The following NFKBIE variants were observed in gnomAD, a reference collection of about 807,000 sequenced individuals.
NFKBIE encodes NFKB inhibitor epsilon.
In NFKBIE, 11 loss-of-function variants were observed where a neutral mutation model predicts 31.6. The observed-to-expected ratio is 0.35, with a 90% CI of 0.22 to 0.58. NFKBIE has a LOEUF of 0.58. NFKBIE is among the 20% of genes least tolerant of loss of function. NFKBIE has a pLI of 0.83. For synonymous variants in NFKBIE, 208 were observed against 210.1 expected, an observed-to-expected ratio of 0.99 and a Z score of 0.09; for missense variants, 354 against 465.7, an observed-to-expected ratio of 0.76 and a Z score of 2.21.
Position 44,259,103 on chromosome 6 carries a change from A to C in NFKBIE, c.*116T>G. On this transcript the variant is annotated 3_prime_UTR_variant, in exon 6 of 6. Coordinates refer to ENST00000619360, the MANE Select transcript of NFKBIE (RefSeq NM_004556.3). ...TACTGGCTGGCCCCAGGCTCTGGCC[A>C]CAGCAGTCCCTAGGGCACCAGAAGA... 9.3e-7 allele frequency: 1 copy of C among 1,080,830 alleles called. No homozygotes were observed. 67.0% of individuals were successfully genotyped at this position (1,080,830 alleles called of 1,614,324 possible). A position where few individuals can be genotyped will look rare whatever the true frequency, so the allele number is the denominator to read the frequency against.
rs1356625504 is a variant in NFKBIE, at chr6:44,262,627, G to T, written c.401C>A (p.Ala134Glu). The change falls in exon 2 of 6, where the codon GCG becomes GAG. Residue 134 changes from alanine (A) to glutamate (E), a missense_variant. By Grantham distance (107) the Ala-to-Glu change is moderately radical. Around this residue, in one of 2 missense-constraint regions of NFKBIE, gnomAD observed 183 missense variants for 310.6 expected, o/e 0.59. Coordinates refer to ENST00000619360, the MANE Select transcript of NFKBIE (RefSeq NM_004556.3). Reference sequence around the variant, plus strand: ...CAAAGCCAGGCAACAGAGCAGCACCGCTGGGGCCTCATGAATCACTGCCAG... The same window carrying T: ...CAAAGCCAGGCAACAGAGCAGCACCTCTGGGGCCTCATGAATCACTGCCAG... ...VHLAVIHEAP[A>E]VLLCCLALLP... The T allele has an allele frequency of 6.2e-7, 1 of 1,614,120 alleles. No homozygotes were observed. Among genetic ancestry groups the T allele is most frequent in the Non-Finnish European group, 8.5e-7 (1 of 1,179,972 alleles).
Position 44,260,775 on chromosome 6 carries a change from G to C in NFKBIE, c.692-236C>G, listed in dbSNP as rs551287761. On this transcript the variant is annotated intron_variant, in intron 3 of 5. Coordinates refer to ENST00000619360, the MANE Select transcript of NFKBIE (RefSeq NM_004556.3). This position sits in a 1 kb window ranked among gnomAD's most constrained non-coding sequence, Gnocchi z 5.5. ...TGAAACTTTCATGCTTCAGGGGTCA[G>C]GCTGCTGAGTGACACCCCCAAAGAA... Among the ~76,000 whole-genome samples the C allele has an allele frequency of 6.6e-6, 1 of 151,088 alleles. No homozygotes were observed. The highest frequency in any genetic ancestry group is 1.9e-4 in the East Asian group (1 of 5,140).
In NFKBIE at chr6:44,262,556, C is replaced by T; in HGVS notation, c.468+4G>A. On this transcript the variant is annotated splice_donor_region_variant and intron_variant, in intron 2 of 5. Transcript: ENST00000619360. ...TCTGGGCATAACATTCTCTCGCCACCAACCTGGTAAAGGTTATTTTGAATG... is the reference window on the plus strand; with the variant it reads ...TCTGGGCATAACATTCTCTCGCCACTAACCTGGTAAAGGTTATTTTGAATG... The T allele has an allele frequency of 1.2e-6, 2 of 1,613,032 alleles. No homozygotes were observed. The highest frequency in any genetic ancestry group is 1.7e-6 in the Non-Finnish European group (2 of 1,179,110).
chr6:44,264,102 C>T lies in NFKBIE; in HGVS notation c.365+880G>A, dbSNP rs546071767. 5.2e-4 allele frequency among the ~76,000 whole-genome samples: 79 copies of T among 152,330 alleles called. 1 individual carries two copies. Among genetic ancestry groups the T allele is most frequent in the Admixed American group, 4.4e-3 (67 of 15,304 alleles). On this transcript the variant is annotated intron_variant, in intron 1 of 5. Transcript: ENST00000619360. ...TTAGGACAGCCACCTCCTGCCTCCC[C>T]TACTCCTATTTATATGAGCACCCTT...
rs374392075 is a variant in NFKBIE, at chr6:44,260,288, G to A, written c.781-6C>T. Reference sequence around the variant, plus strand: ...GTCTTACCACTGGTGCCCTCCTGGGGAGGAATAAGGATGTCAGCCAAGGCC... The same window carrying A: ...GTCTTACCACTGGTGCCCTCCTGGGAAGGAATAAGGATGTCAGCCAAGGCC... On this transcript the variant is annotated splice_polypyrimidine_tract_variant and splice_region_variant and intron_variant, in intron 4 of 5. Coordinates refer to ENST00000619360, the MANE Select transcript of NFKBIE (RefSeq NM_004556.3). This position sits in a 1 kb window ranked among gnomAD's most constrained non-coding sequence, Gnocchi z 5.5. The A allele has an allele frequency of 6.8e-6, 11 of 1,607,036 alleles. No individual in the cohort carries two copies. Among genetic ancestry groups the A allele is most frequent in the Non-Finnish European group, 7.7e-6 (9 of 1,174,314 alleles).
At position 44,259,319 on chromosome 6, in the gene NFKBIE, G is replaced by A. The variant is rs189444478; in HGVS notation, c.1021-35C>T. The stretch of plus-strand genomic sequence containing the variant: ...AGAATGGAGAGAAGCAAGATCAGAG[G>A]ACATGGGAAAAGGTGACTTGGGAAA... On this transcript the variant is annotated intron_variant, in intron 5 of 5. Coordinates refer to ENST00000619360, the MANE Select transcript of NFKBIE (RefSeq NM_004556.3). The A allele has an allele frequency of 4.2e-5, 65 of 1,555,344 alleles. 1 individual carries two copies. In the East Asian group the frequency reaches 1.4e-3, roughly 34 times the overall value.
Position 44,261,035 on chromosome 6 carries a change from C to G in NFKBIE, c.692-496G>C, listed in dbSNP as rs891526561. 5.9e-5 allele frequency among the ~76,000 whole-genome samples: 9 copies of G among 152,134 alleles called. No homozygotes were observed. The highest frequency in any genetic ancestry group is 1.9e-4 in the African/African-American group (8 of 41,428). ...CCTTTCTAGTCTGGACACTCCCGAC[C>G]CTTGCTTAGTAATAGAGATTTCGAT... On this transcript the variant is annotated intron_variant, in intron 3 of 5. Coordinates refer to ENST00000619360, the MANE Select transcript of NFKBIE (RefSeq NM_004556.3). The surrounding 1 kb of genome is among the most constrained non-coding windows in gnomAD (Gnocchi z 4.3).
intron 5 of NFKBIE, among the ~76,000 whole-genome samples, chr6:44,259,819 T>C (rs954370282): frequency 1.3e-5 from 2 of 152,150 alleles, no homozygotes; most frequent in Admixed American, 1.3e-4. Flanking sequence ...GTCTCATATC[T>C]GGCCAACTTC....
intron 2 of NFKBIE, among the ~76,000 whole-genome samples, 198 bp from the exon 3 acceptor site, chr6:44,262,046 A>G (rs1225735784): frequency 6.6e-6 from 1 of 152,122 alleles, no homozygotes; most frequent in Non-Finnish European, 1.5e-5. Context: ...TGGGATCCCA[A>G]TTCTGGAAGC....
At chr6:44,264,948 TAGC>T (rs1782063300) in intron 1 of NFKBIE, 31 bp downstream of exon 1, 1 of 1,544,952 alleles carries the variant, frequency 6.5e-7, no homozygotes, top group Admixed American at 2.0e-5. Flanking sequence ...GGCCCAGAGT[TAGC>T]ATCCCGATTC....
rs1469594261 is a variant in NFKBIE at position 44,260,658 on chromosome 6, T to A, written c.692-119A>T. 2.2e-6 allele frequency: 2 copies of A among 924,484 alleles called. No homozygotes were observed. Among genetic ancestry groups the A allele is most frequent in the African/African-American group, 1.6e-5 (1 of 61,192 alleles). 57.3% of individuals were successfully genotyped at this position (924,484 alleles called of 1,614,324 possible). ...CTCACAGCCCACTCAATGTCTCTAA[T>A]CACAAGACTGTTAAAATGCAAACCC... On this transcript the variant is annotated intron_variant, in intron 3 of 5. Coordinates refer to ENST00000619360, the MANE Select transcript of NFKBIE (RefSeq NM_004556.3). The surrounding 1 kb of genome is among the most constrained non-coding windows in gnomAD (Gnocchi z 5.5).
rs369958691 is a variant in NFKBIE at position 44,260,826 on chromosome 6, A to AACACACACACACACAC, written c.692-303_692-288dup. Among the ~76,000 whole-genome samples the AACACACACACACACAC allele has an allele frequency of 5.7e-3, 675 of 119,110 alleles. 9 individuals are homozygous for AACACACACACACACAC. The highest frequency in any genetic ancestry group is 0.014 in the Middle Eastern group (3 of 212). The allele number at this position is 119,110 out of a possible 152,430, so 78.1% of individuals were successfully genotyped here. A position where few individuals can be genotyped will look rare whatever the true frequency, so the allele number is the denominator to read the frequency against. On this transcript the variant is annotated intron_variant, in intron 3 of 5. Coordinates refer to ENST00000619360, the MANE Select transcript of NFKBIE (RefSeq NM_004556.3). The surrounding 1 kb of genome is among the most constrained non-coding windows in gnomAD (Gnocchi z 5.5). ...CACCCTCCTCCTATACACAAACTAC[A>AACACACACACACACAC]ACACACACACACACACACACACACA...
rs1554142181 is a variant in NFKBIE, at chr6:44,260,862, C to CACACACAT, written c.692-324_692-323insATGTGTGT. The stretch of plus-strand genomic sequence containing the variant: ...ACACACACACACACACACATACAGA[C>CACACACAT]ACACACACACACACACACACACACA... On this transcript the variant is annotated intron_variant, in intron 3 of 5. Transcript: ENST00000619360. The surrounding 1 kb of genome is among the most constrained non-coding windows in gnomAD (Gnocchi z 5.5). 6.4e-5 allele frequency among the ~76,000 whole-genome samples: 1 copy of CACACACAT among 15,674 alleles called. No individual in the cohort carries two copies. Among genetic ancestry groups the CACACACAT allele is most frequent in the Non-Finnish European group, 1.1e-4 (1 of 9,202 alleles). 10.3% of individuals were successfully genotyped at this position (15,674 alleles called of 152,430 possible).
Position 44,261,510 on chromosome 6 carries a change from TG to T in NFKBIE, c.691+115del. 1.0e-6 allele frequency: 1 copy of T among 960,018 alleles called. No homozygotes were observed. Among genetic ancestry groups the T allele is most frequent in the Non-Finnish European group, 1.6e-6 (1 of 631,254 alleles). 59.5% of individuals were successfully genotyped at this position (960,018 alleles called of 1,614,324 possible). ...GTACTGAATATCTATGTGCTTACAG[TG>T]GGAGGGGCACCAATGGACAAGCTGG... is the stretch of plus-strand genomic sequence containing the variant. On this transcript the variant is annotated intron_variant, in intron 3 of 5. Transcript: ENST00000619360. The surrounding 1 kb of genome is among the most constrained non-coding windows in gnomAD (Gnocchi z 4.3).
rs1781875018 is a variant in NFKBIE at position 44,260,842 on chromosome 6, CACACACACACACAT to C, written c.692-317_692-304del. Among the ~76,000 whole-genome samples the C allele has an allele frequency of 1.2e-5, 1 of 85,186 alleles. No individual in the cohort carries two copies. Among genetic ancestry groups the C allele is most frequent in the Admixed American group, 1.3e-4 (1 of 7,434 alleles). 55.9% of individuals were successfully genotyped at this position (85,186 alleles called of 152,430 possible). Reference sequence around the variant, plus strand: ...ACAAACTACAACACACACACACACACACACACACACACATACAGACACACACACACACACACACA... The same window carrying C: ...ACAAACTACAACACACACACACACACACAGACACACACACACACACACACA... On this transcript the variant is annotated intron_variant, in intron 3 of 5. Transcript: ENST00000619360. The surrounding 1 kb of genome is among the most constrained non-coding windows in gnomAD (Gnocchi z 5.5).
Position 44,260,556 on chromosome 6 carries a change from G to A in NFKBIE, c.692-17C>T, listed in dbSNP as rs917176497. The A allele has an allele frequency of 4.3e-6, 7 of 1,612,494 alleles. No individual in the cohort carries two copies. Among genetic ancestry groups the A allele is most frequent in the Admixed American group, 3.3e-5 (2 of 59,968 alleles). Reference sequence around the variant, plus strand: ...AAGCCAGACCTGGGATGGGGTGAGAGTGAGGGTGAGGGCTGCTGATCTGCA... The same window carrying A: ...AAGCCAGACCTGGGATGGGGTGAGAATGAGGGTGAGGGCTGCTGATCTGCA... On this transcript the variant is annotated splice_polypyrimidine_tract_variant and intron_variant, in intron 3 of 5. Coordinates refer to ENST00000619360, the MANE Select transcript of NFKBIE (RefSeq NM_004556.3). The surrounding 1 kb of genome is among the most constrained non-coding windows in gnomAD (Gnocchi z 5.5).
At chr6:44,264,946 G>T in intron 1 of NFKBIE, 36 bp downstream of exon 1, 1 of 1,544,252 alleles carries the variant, frequency 6.5e-7, no homozygotes, top group Non-Finnish European at 8.7e-7. Context: ...CAGGCCCAGA[G>T]TTAGCATCCC....
rs1781800093 is a variant in NFKBIE, at chr6:44,259,201, C to G, written c.*18G>C. On this transcript the variant is annotated 3_prime_UTR_variant, in exon 6 of 6. Transcript: ENST00000619360. Reference sequence around the variant, plus strand: ...GATGGAGAGGTGGAGCCCTGAGGATCCCAGACCCTGCCTGGCTTCAGTCGG... The same window carrying G: ...GATGGAGAGGTGGAGCCCTGAGGATGCCAGACCCTGCCTGGCTTCAGTCGG... The G allele has an allele frequency of 6.2e-7, 1 of 1,612,886 alleles. No individual in the cohort carries two copies. The highest frequency in any genetic ancestry group is 8.5e-7 in the Non-Finnish European group (1 of 1,179,284).
chr6:44,261,532 G>A lies in NFKBIE; in HGVS notation c.691+94C>T, dbSNP rs1781920488. The A allele has an allele frequency of 7.5e-7, 1 of 1,335,350 alleles. No homozygotes were observed. Among genetic ancestry groups the A allele is most frequent in the Admixed American group, 1.9e-5 (1 of 51,288 alleles). The allele number at this position is 1,335,350 out of a possible 1,614,324, so 82.7% of individuals were successfully genotyped here. A position where few individuals can be genotyped will look rare whatever the true frequency, so the allele number is the denominator to read the frequency against. On this transcript the variant is annotated intron_variant, in intron 3 of 5. Transcript: ENST00000619360. This position sits in a 1 kb window ranked among gnomAD's most constrained non-coding sequence, Gnocchi z 4.3. ...CAGTGGGAGGGGCACCAATGGACAA[G>A]CTGGGACCCTCCCTTCCCCAAGAGT... is the stretch of plus-strand genomic sequence containing the variant.
Sources: allele counts gnomAD v4.1 joint callset (sites outside exome capture counted in the v4.1 genomes callset), GRCh38; gene constraint gnomAD v4.1.1; regional missense constraint gnomAD v4.1.1; non-coding constraint Gnocchi (gnomAD v3.1); transcripts MANE v1.5; gene names NCBI Gene and HGNC (gene_info 2026-07-23, HGNC 2026-07-21).